Variants in NDE1 observed in about 807,000 individuals in gnomAD.
The protein encoded by NDE1 is nudE neurodevelopment protein 1, also known as nuclear distribution protein nudE homolog 1.
A neutral mutation model predicts 43.4 loss-of-function variants in NDE1; 28 were observed. The observed-to-expected ratio is 0.65, with a 90% CI of 0.48 to 0.89. The LOEUF is 0.89. NDE1 is among the 40% of genes least tolerant of loss of function. The probability of loss-of-function intolerance (pLI) is 0.00; values close to 1 mark genes in which losing one functional copy is unlikely to be tolerated. For synonymous variants in NDE1, 184 were observed against 172.0 expected (o/e 1.07, Z -0.55); for missense variants, 441 against 434.1 (o/e 1.02, Z -0.14).
intron 8 of NDE1, among the ~76,000 whole-genome samples, chr16:15,699,261 G>A (rs1003491931): frequency 1.4e-5 from 2 of 142,556 alleles, no homozygotes; most frequent in Non-Finnish European, 3.0e-5. Context: ...ATCATGCCTG[G>A]CCTTTTTTTT....
intron 8 of NDE1, among the ~76,000 whole-genome samples, chr16:15,706,639 G>A (rs1184604138): frequency 6.6e-6 from 1 of 151,862 alleles, no homozygotes; most frequent in Non-Finnish European, 1.5e-5. Flanking sequence ...CCCAGGAGGT[G>A]AAGGCTGCAG....
intron 2 of NDE1, 28 bp downstream of exon 2, chr16:15,664,889 T>C (rs75885033): frequency 2.7e-6 from 2 of 748,114 alleles, no homozygotes; most frequent in African/African-American, 4.7e-5. Context: ...TGCTTTTCCT[T>C]TTTTTTTTTT....
Position 15,694,385 on chromosome 16 carries a change from G to T in NDE1, c.795+129G>T, listed in dbSNP as rs112990861. On this transcript the variant is annotated intron_variant, in intron 7 of 8. Transcript: ENST00000396354. ...TTTAGAGACAGGGTCTTGCTCTGTT[G>T]CTCAGGCTGGAGTGTAGTGGTATGA... 388 of 1,532,062 alleles carry T rather than the reference G, an allele frequency of 2.5e-4. No homozygotes were observed. The African/African-American group carries it at 4.4e-3, about 17-fold the overall frequency. The allele number at this position is 1,532,062 out of a possible 1,614,324, so 94.9% of individuals were successfully genotyped here.
At chr16:15,653,779 G>T (rs2036617619) in intron 1 of NDE1, among the ~76,000 whole-genome samples, 1 of 150,760 alleles carries the variant, frequency 6.6e-6, no homozygotes. Flanking sequence ...ACAGGCTGGA[G>T]TGCTGTGGGG....
At chr16:15,687,033 G>T (rs1358237543) in intron 4 of NDE1, 2 of 1,182,454 alleles carry the variant, frequency 1.7e-6, no homozygotes, top group East Asian at 5.5e-5. Context: ...GGCATTGTGA[G>T]CTTGCAAGAG....
intron 1 of NDE1, chr16:15,651,809 C>A (rs553882157): frequency 1.3e-5 from 2 of 152,226 alleles, no homozygotes; most frequent in African/African-American, 4.8e-5. Context: ...ATCTGTGCCG[C>A]TGAAGTCTCA....
chr16:15,702,486 C>T (rs1017507517), intron 8 of NDE1, among the ~76,000 whole-genome samples: 3 of 152,020 alleles, frequency 2.0e-5, no homozygotes, highest in Non-Finnish European at 2.9e-5. Flanking sequence ...GAACTCCTGG[C>T]TCACATGATC....
At chr16:15,663,927 C>T (rs529684262) in intron 1 of NDE1, among the ~76,000 whole-genome samples, 85 of 152,070 alleles carry the variant, frequency 5.6e-4, no homozygotes, top group East Asian at 9.7e-4. Context: ...ATTAGCCAGG[C>T]GTGGTGGCGC....
intron 8 of NDE1, among the ~76,000 whole-genome samples, chr16:15,716,506 T>C (rs1486718896): frequency 1.3e-5 from 2 of 151,660 alleles, no homozygotes; most frequent in African/African-American, 4.9e-5. Context: ...TGGACTTTTG[T>C]TTTTTGGGGT....
At position 15,719,724 on chromosome 16, in the gene NDE1, C is replaced by T. The variant is rs752294147; in HGVS notation, c.948-4467C>T. On this transcript the variant is annotated intron_variant, in intron 8 of 8. Coordinates refer to ENST00000396354, the MANE Select transcript of NDE1 (RefSeq NM_017668.3). The stretch of plus-strand genomic sequence containing the variant: ...GTCCTTCATCTGAGCCTGCATGAGT[C>T]AACAGGGAGGACAAGCTCAGATGTC... 3 of 1,614,090 alleles carry T rather than the reference C, an allele frequency of 1.9e-6. No individual in the cohort carries two copies. The East Asian group carries it at 6.7e-5, about 36-fold the overall frequency.
chr16:15,719,211 G>C (rs780145425), intron 8 of NDE1: 2 of 1,613,256 alleles, frequency 1.2e-6, no homozygotes, highest in Middle Eastern at 3.3e-4. Context: ...CCTCCATTCA[G>C]TTTCCTACCT....
intron 8 of NDE1, among the ~76,000 whole-genome samples, chr16:15,716,252 G>A (rs940620411): frequency 3.9e-5 from 6 of 152,034 alleles, no homozygotes; most frequent in East Asian, 3.9e-4. Context: ...TGTTTGAGCC[G>A]ATGAAAATGT....
intron 3 of NDE1, among the ~76,000 whole-genome samples, chr16:15,674,811 A>G (rs545940325): frequency 4.6e-5 from 7 of 152,148 alleles, no homozygotes; most frequent in Middle Eastern, 3.4e-3. Context: ...TCCCAGGCTC[A>G]AATGGTGTTC....
chr16:15,682,657 C>T (rs1439320006), intron 4 of NDE1, among the ~76,000 whole-genome samples: 1 of 152,084 alleles, frequency 6.6e-6, no homozygotes, highest in African/African-American at 2.4e-5. Flanking sequence ...ACTAAGATGC[C>T]AAAAAGTTTT....
chr16:15,718,265 T>C (rs758048730), intron 8 of NDE1: 9 of 1,604,404 alleles, frequency 5.6e-6, no homozygotes, highest in Middle Eastern at 1.7e-4. Context: ...AGGATCCTGC[T>C]GCAGGAGAGA....
intron 7 of NDE1, chr16:15,694,642 C>T (rs893753376): frequency 2.1e-5 from 21 of 985,176 alleles, no homozygotes; most frequent in Non-Finnish European, 2.5e-5. Context: ...GCCAATGCGT[C>T]CAGCCCCTTT....
chr16:15,674,054 G>A (rs1251361936), intron 3 of NDE1, among the ~76,000 whole-genome samples: 1 of 152,190 alleles, frequency 6.6e-6, no homozygotes, highest in Non-Finnish European at 1.5e-5. Flanking sequence ...AACATAGGAA[G>A]TGTACTTAGC....
At chr16:15,708,663 A>T (rs2039599986) in intron 8 of NDE1, 1 of 872,714 alleles carries the variant, frequency 1.1e-6, no homozygotes, top group East Asian at 2.6e-5. Context: ...TTGCACAAAG[A>T]TATCCAAGCC....
intron 3 of NDE1, among the ~76,000 whole-genome samples, chr16:15,675,741 A>AG (rs1446033108): frequency 3.3e-5 from 5 of 152,080 alleles, no homozygotes; most frequent in African/African-American, 7.2e-5. Flanking sequence ...TGTTTGGTGA[A>AG]GGAAAGTAAT....
Sources: allele counts gnomAD v4.1 joint callset (sites outside exome capture counted in the v4.1 genomes callset), GRCh38; gene constraint gnomAD v4.1.1; transcripts MANE v1.5; gene names NCBI Gene and HGNC (gene_info 2026-07-23, HGNC 2026-07-21).